The following KCNQ5 variants were observed in gnomAD, a reference collection of about 807,000 sequenced individuals.
The protein encoded by KCNQ5 is potassium voltage-gated channel subfamily Q member 5, also known as potassium voltage-gated channel subfamily KQT member 5.
KCNQ5 carries 30 observed loss-of-function variants against 98.2 expected under a neutral mutation model. The observed-to-expected ratio is 0.31, with a 90% CI of 0.23 to 0.41. The LOEUF is 0.41. Ranked by LOEUF, KCNQ5 falls within the 10% of genes least tolerant of loss-of-function variation. The pLI, the probability that KCNQ5 is intolerant of heterozygous loss-of-function variation, is 1.00. For synonymous variants in KCNQ5, 458 were observed against 449.4 expected, an observed-to-expected ratio of 1.02 and a Z score of -0.24; for missense variants, 835 against 1,182.5, an observed-to-expected ratio of 0.71 and a Z score of 4.31.
chr6:73,187,526 A>C (rs969129691), intron 11 of KCNQ5, among the ~76,000 whole-genome samples: 2 of 152,220 alleles, frequency 1.3e-5, no homozygotes, highest in Non-Finnish European at 2.9e-5. Flanking sequence ...CTGTAAGTAA[A>C]GCACTGGAAA....
At chr6:72,930,781 C>T (rs1008798872) in intron 1 of KCNQ5, among the ~76,000 whole-genome samples, 1 of 152,120 alleles carries the variant, frequency 6.6e-6, no homozygotes, top group Non-Finnish European at 1.5e-5. Flanking sequence ...AATGTTCGCA[C>T]CAGCTGTGGA....
rs545902311 is a variant in KCNQ5 at position 73,169,685 on chromosome 6, T to G, written c.1469-61T>G. 31 of 1,228,006 alleles carry G rather than the reference T, an allele frequency of 2.5e-5. No individual in the cohort carries two copies. In the South Asian group the frequency reaches 3.4e-4, roughly 13 times the overall value. 76.1% of individuals were successfully genotyped at this position (1,228,006 alleles called of 1,614,324 possible). ...CCCGCCATTTCCACGTGAGAAAAAT[T>G]CAGCAACATGTTTCAAATTGCGGAT... On this transcript the variant is annotated intron_variant, in intron 10 of 13. Transcript: ENST00000370398.
chr6:72,645,224 C>CA (rs1287277665), intron 1 of KCNQ5, among the ~76,000 whole-genome samples: 3 of 128,970 alleles, frequency 2.3e-5, no homozygotes, highest in South Asian at 2.6e-4. Flanking sequence ...CAAAAAAAAA[C>CA]AAAAAAAACA....
intron 1 of KCNQ5, among the ~76,000 whole-genome samples, chr6:72,825,204 C>T (rs959449982): frequency 1.3e-5 from 2 of 151,964 alleles, no homozygotes; most frequent in African/African-American, 4.8e-5. Flanking sequence ...TCCCCCTTCA[C>T]CCCTAAAAAT....
chr6:72,814,249 C>T (rs747881596), intron 1 of KCNQ5, among the ~76,000 whole-genome samples: 19 of 152,196 alleles, frequency 1.2e-4, no homozygotes, highest in Admixed American at 6.5e-5. Flanking sequence ...TAGCCATGCT[C>T]GGTGGTGCTC....
intron 1 of KCNQ5, among the ~76,000 whole-genome samples, chr6:72,765,135 C>T (rs996132646): frequency 6.6e-6 from 1 of 152,010 alleles, no homozygotes; most frequent in Non-Finnish European, 1.5e-5. Flanking sequence ...GGGTATACAC[C>T]TAGCAGTGGG....
intron 1 of KCNQ5, among the ~76,000 whole-genome samples, chr6:72,988,464 C>T (rs1035250130): frequency 2.2e-4 from 34 of 152,034 alleles, no homozygotes; most frequent in Admixed American, 1.4e-3. Context: ...TGAGTACCCA[C>T]GGTCGTAAAC....
At chr6:72,658,574 ATATAT>A (rs1406344184) in intron 1 of KCNQ5, among the ~76,000 whole-genome samples, 1 of 65,468 alleles carries the variant, frequency 1.5e-5, no homozygotes, top group African/African-American at 6.3e-5. Flanking sequence ...ATATATATAT[ATATAT>A]TTTTTTTTTT....
At chr6:72,921,310 A>C (rs562842922) in intron 1 of KCNQ5, among the ~76,000 whole-genome samples, 3 of 152,354 alleles carry the variant, frequency 2.0e-5, no homozygotes, top group South Asian at 4.1e-4. Flanking sequence ...GATGTTCAAA[A>C]TATATGAAGA....
At chr6:73,107,913 T>C (rs1775070320) in intron 6 of KCNQ5, among the ~76,000 whole-genome samples, 1 of 152,168 alleles carries the variant, frequency 6.6e-6, no homozygotes, top group Non-Finnish European at 1.5e-5. Flanking sequence ...GGTCCATATA[T>C]ACCTTTAGAA....
At chr6:72,848,116 T>C (rs1777092539) in intron 1 of KCNQ5, among the ~76,000 whole-genome samples, 1 of 152,122 alleles carries the variant, frequency 6.6e-6, no homozygotes, top group African/African-American at 2.4e-5. Context: ...AGAGCTGTGG[T>C]ATTTCCTAAG....
At position 72,821,523 on chromosome 6, in the gene KCNQ5, T is replaced by C. The variant is rs544097042; in HGVS notation, c.399-182385T>C. ...AAGACATTTGGGGCTAAATATTCCATCACAAATGAAATGCTACAGCCGTTT... is the reference window on the plus strand; with the variant it reads ...AAGACATTTGGGGCTAAATATTCCACCACAAATGAAATGCTACAGCCGTTT... On this transcript the variant is annotated intron_variant, in intron 1 of 13. Coordinates refer to ENST00000370398, the MANE Select transcript of KCNQ5 (RefSeq NM_019842.4). Among the ~76,000 whole-genome samples, 6 of 152,262 alleles carry C rather than the reference T, an allele frequency of 3.9e-5. No homozygotes were observed. In the South Asian group the frequency reaches 1.2e-3, roughly 32 times the overall value.
chr6:72,771,922 C>A (rs1234004043), intron 1 of KCNQ5, among the ~76,000 whole-genome samples: 3 of 151,962 alleles, frequency 2.0e-5, no homozygotes, highest in Admixed American at 2.0e-4. Flanking sequence ...CCTCGTGAAG[C>A]CCTAGACTAT....
intron 1 of KCNQ5, among the ~76,000 whole-genome samples, chr6:72,815,601 C>A (rs950768042): frequency 1.3e-5 from 2 of 152,134 alleles, no homozygotes; most frequent in African/African-American, 2.4e-5. Flanking sequence ...GATATTTGAA[C>A]GTGATTCTGC....
At chr6:72,780,908 T>C (rs10943061) in intron 1 of KCNQ5, among the ~76,000 whole-genome samples, 90,882 of 151,926 alleles carry the variant, frequency 0.6, 27,221 homozygotes, top group Admixed American at 0.65. Context: ...AAAGAAAGAA[T>C]GAGCCCCAGG....
At chr6:72,970,419 T>A (rs1767830251) in intron 1 of KCNQ5, among the ~76,000 whole-genome samples, 1 of 152,242 alleles carries the variant, frequency 6.6e-6, no homozygotes, top group South Asian at 2.1e-4. Flanking sequence ...CATGTGTGTA[T>A]TACATATGCA....
chr6:73,001,931 G>A (rs574428057), intron 1 of KCNQ5, among the ~76,000 whole-genome samples: 1 of 151,704 alleles, frequency 6.6e-6, no homozygotes, highest in Admixed American at 6.6e-5. Context: ...ACCAGCCTGA[G>A]CAACATGGTG....
rs553407461 is a variant in KCNQ5, at chr6:72,790,795, C to T, written c.398+168208C>T. Among the ~76,000 whole-genome samples, 3 of 152,050 alleles carry T rather than the reference C, an allele frequency of 2.0e-5. No homozygotes were observed. The East Asian group carries it at 5.8e-4, about 29-fold the overall frequency. On this transcript the variant is annotated intron_variant, in intron 1 of 13. Coordinates refer to ENST00000370398, the MANE Select transcript of KCNQ5 (RefSeq NM_019842.4). ...ATAAAGTCATTTAGAACATTAAGGA[C>T]ATTAAAAGAATAAAGTACACGGTAT...
intron 11 of KCNQ5, among the ~76,000 whole-genome samples, chr6:73,182,571 G>A (rs1641784070): frequency 6.6e-6 from 1 of 152,104 alleles, no homozygotes; most frequent in Non-Finnish European, 1.5e-5. Context: ...TGAAATGCAA[G>A]TCTTAGAAAA....
Sources: gnomAD v4.1 joint callset for allele counts (sites outside exome capture counted in the v4.1 genomes callset) on GRCh38, gnomAD v4.1.1 for gene constraint, MANE v1.5 for transcripts, NCBI Gene and HGNC (gene_info 2026-07-23, HGNC 2026-07-21) for gene names.